Variants in SAMD5 observed in about 807,000 individuals in gnomAD.
The protein encoded by SAMD5 is sterile alpha motif domain-containing protein 5.
Under a neutral mutation model 11.3 loss-of-function variants are expected in SAMD5, and 13 were observed. That is an observed-to-expected ratio of 1.15 (90% CI 0.75 to 1.83). SAMD5 has a LOEUF of 1.83. Ranked by LOEUF, SAMD5 falls within the 40% of genes most tolerant of loss-of-function variation. The probability of loss-of-function intolerance (pLI) is 0.00; values close to 1 mark genes in which losing one functional copy is unlikely to be tolerated. For missense variants in SAMD5, 255 were observed against 239.1 expected, an observed-to-expected ratio of 1.07 and a Z score of -0.44; for synonymous variants, 129 against 111.3, an observed-to-expected ratio of 1.16 and a Z score of -1.00.
the SAMD5 span, among the ~76,000 whole-genome samples, chr6:147,782,103 C>A: frequency 1.4e-5 from 2 of 147,398 alleles, no homozygotes; most frequent in Non-Finnish European, 1.5e-5. Context: ...CATTCTATTT[C>A]ATAAAATCTT....
chr6:147,521,860 AACG>A (rs1161652058), intron 1 of SAMD5, among the ~76,000 whole-genome samples: 2 of 138,562 alleles, frequency 1.4e-5, no homozygotes, highest in Non-Finnish European at 3.1e-5. Context: ...AAATAACAAG[AACG>A]ACAACTTTTT....
At chr6:147,614,027 CAA>C (rs1366612206) in intron 1 of SAMD5, among the ~76,000 whole-genome samples, 2 of 151,916 alleles carry the variant, frequency 1.3e-5, no homozygotes, top group African/African-American at 4.9e-5. Context: ...AAGAAGGCAA[CAA>C]GAGCAGAAAA....
rs143997834 is a variant in SAMD5, at chr6:147,579,296, C to T, written c.162+69909C>T. Among the ~76,000 whole-genome samples, 31 of 152,200 alleles carry T rather than the reference C, an allele frequency of 2.0e-4. No individual in the cohort carries two copies. The East Asian group carries it at 5.8e-3, about 28-fold the overall frequency. The stretch of plus-strand genomic sequence containing the variant: ...AGAAGATGTATATAACTGAGATGAA[C>T]AGTCTTAAAAGATTGGTAGGATTTT... On this transcript the variant is annotated intron_variant, in intron 1 of 1. Transcript: ENST00000566741.
chr6:147,591,193 T>C (rs1789448625), intron 1 of SAMD5, among the ~76,000 whole-genome samples: 1 of 151,816 alleles, frequency 6.6e-6, no homozygotes, highest in Admixed American at 6.6e-5. Flanking sequence ...ACAGAGCAAC[T>C]ACCTCTCTTA....
intron 1 of SAMD5, among the ~76,000 whole-genome samples, chr6:147,588,195 T>A (rs748081054): frequency 6.6e-6 from 1 of 151,920 alleles, no homozygotes; most frequent in Non-Finnish European, 1.5e-5. Context: ...ATAAGCTAAT[T>A]AACAAATCTC....
chr6:147,579,151 T>A (rs1413711170), intron 1 of SAMD5, among the ~76,000 whole-genome samples: 1 of 152,238 alleles, frequency 6.6e-6, no homozygotes, highest in Non-Finnish European at 1.5e-5. Flanking sequence ...GAGGAATGAA[T>A]AAAGGATTTA....
intron 1 of SAMD5, among the ~76,000 whole-genome samples, chr6:147,643,943 G>A (rs1380353653): frequency 6.6e-6 from 1 of 152,126 alleles, no homozygotes; most frequent in Non-Finnish European, 1.5e-5. Flanking sequence ...AACTTGCCTG[G>A]GGTTAACTAG....
At chr6:147,643,747 A>AGGAAGGAAGGAG (rs1790349187) in intron 1 of SAMD5, among the ~76,000 whole-genome samples, 4 of 90,758 alleles carry the variant, frequency 4.4e-5, no homozygotes, top group Admixed American at 3.9e-4. Flanking sequence ...GAAGGAAAGA[A>AGGAAGGAAGGAG]GGAAGGAAGG....
chr6:147,766,068 A>G, the SAMD5 span, among the ~76,000 whole-genome samples: 1 of 151,676 alleles, frequency 6.6e-6, no homozygotes, highest in Non-Finnish European at 1.5e-5. Flanking sequence ...AGACCAAGGC[A>G]GTGCTTGAAA....
At chr6:147,646,034 C>CTATCTATG (rs1790394914) in intron 1 of SAMD5, among the ~76,000 whole-genome samples, 1 of 89,498 alleles carries the variant, frequency 1.1e-5, no homozygotes, top group Non-Finnish European at 2.1e-5. Context: ...ATGTATCTAT[C>CTATCTATG]TATCTATCTA....
At chr6:147,911,608 C>G in the SAMD5 span, among the ~76,000 whole-genome samples, 1 of 152,160 alleles carries the variant, frequency 6.6e-6, no homozygotes, top group Non-Finnish European at 1.5e-5. Context: ...AAATGCCTTT[C>G]CCTTTGACCA....
intron 1 of SAMD5, among the ~76,000 whole-genome samples, chr6:147,637,858 C>CG (rs749692662): frequency 1.3e-4 from 15 of 119,168 alleles, no homozygotes; most frequent in Non-Finnish European, 2.2e-4. Flanking sequence ...AAAGCAAGTT[C>CG]GGTTTTTTTT....
chr6:147,737,273 G>T, intron 1 of SAMD5: 1 of 1,160,868 alleles, frequency 8.6e-7, no homozygotes, highest in Non-Finnish European at 1.1e-6. Context: ...TGATTTCACT[G>T]GGCAACACTT....
At chr6:147,807,266 A>T in the SAMD5 span, among the ~76,000 whole-genome samples, 1 of 148,680 alleles carries the variant, frequency 6.7e-6, no homozygotes, top group South Asian at 2.1e-4. Context: ...CGCCTGGCTA[A>T]TTTTTTTTTT....
chr6:147,532,221 GT>G (rs1328049207), intron 1 of SAMD5, among the ~76,000 whole-genome samples: 1 of 151,910 alleles, frequency 6.6e-6, no homozygotes, highest in Non-Finnish European at 1.5e-5. Flanking sequence ...TGAGATTTTG[GT>G]GCACCTGTCA....
chr6:147,878,649 T>A, the SAMD5 span, among the ~76,000 whole-genome samples: 1 of 146,996 alleles, frequency 6.8e-6, no homozygotes, highest in African/African-American at 2.6e-5. Flanking sequence ...TTACAGAGAT[T>A]TATACATGTA....
At chr6:147,842,082 G>T in the SAMD5 span, among the ~76,000 whole-genome samples, 7 of 151,910 alleles carry the variant, frequency 4.6e-5, no homozygotes, top group Non-Finnish European at 1.0e-4. Context: ...TAATTTACAT[G>T]TAATAATGAA....
chr6:147,604,032 A>G (rs1230317334), intron 1 of SAMD5, among the ~76,000 whole-genome samples: 1 of 152,196 alleles, frequency 6.6e-6, no homozygotes, highest in Non-Finnish European at 1.5e-5. Context: ...TTAAAAATAC[A>G]CAATTTTAAA....
chr6:147,800,098 T>G, the SAMD5 span, among the ~76,000 whole-genome samples: 1 of 152,242 alleles, frequency 6.6e-6, no homozygotes, highest in Non-Finnish European at 1.5e-5. Context: ...CCAGCTTTGT[T>G]CCATTGCTGG....
Sources: gnomAD v4.1 joint callset for allele counts (sites outside exome capture counted in the v4.1 genomes callset) on GRCh38, gnomAD v4.1.1 for gene constraint, MANE v1.5 for transcripts, NCBI Gene and HGNC (gene_info 2026-07-23, HGNC 2026-07-21) for gene names.